GAB2: variants seen among roughly 807,000 people sequenced by gnomAD.
GAB2 encodes the protein GRB2 associated binding protein 2.
Under a neutral mutation model 65.5 loss-of-function variants are expected in GAB2, and 26 were observed. The ratio of observed to expected loss-of-function variants is 0.40; its 90% CI spans 0.29 to 0.55. The LOEUF (loss-of-function observed/expected upper bound fraction) is 0.55, where lower values mean the gene tolerates loss of function less well. Ranked by LOEUF, GAB2 falls within the 20% of genes least tolerant of loss-of-function variation. GAB2 has a pLI of 0.53. For synonymous variants in GAB2, 321 were observed against 329.6 expected, an observed-to-expected ratio of 0.97 and a Z score of 0.28; for missense variants, 884 against 875.8, an observed-to-expected ratio of 1.01 and a Z score of -0.12.
At chr11:78,250,557 G>A (rs991132965) in intron 2 of GAB2, among the ~76,000 whole-genome samples, 157 bp from the exon 3 acceptor site, 1 of 152,104 alleles carries the variant, frequency 6.6e-6, no homozygotes, top group African/African-American at 2.4e-5. Flanking sequence ...CTGCCCTCCT[G>A]GCCATCTTGG....
At chr11:78,373,398 C>T (rs934704419) in intron 1 of GAB2, among the ~76,000 whole-genome samples, 5 of 151,998 alleles carry the variant, frequency 3.3e-5, no homozygotes, top group African/African-American at 1.2e-4. Context: ...ATCACCACAC[C>T]CGGCTAATTT....
chr11:78,389,597 G>A (rs986725441), intron 1 of GAB2, among the ~76,000 whole-genome samples: 5 of 152,132 alleles, frequency 3.3e-5, no homozygotes, highest in African/African-American at 7.2e-5. Context: ...GTGAGCCACC[G>A]CGCCCGGCCG....
chr11:78,238,206 C>CAAAAAAAAAAAAAAAAA (rs10541492), intron 3 of GAB2, among the ~76,000 whole-genome samples: 3 of 104,800 alleles, frequency 2.9e-5, no homozygotes, highest in Non-Finnish European at 5.8e-5. Flanking sequence ...AGGGAAGAAA[C>CAAAAAAAAAAAAAAAAA]AAAAAAAAAA....
At chr11:78,234,829 G>A (rs1453864755) in intron 3 of GAB2, among the ~76,000 whole-genome samples, 1 of 151,894 alleles carries the variant, frequency 6.6e-6, no homozygotes, top group Non-Finnish European at 1.5e-5. Flanking sequence ...GGCCAACATG[G>A]TGAAACCCCA....
intron 1 of GAB2, among the ~76,000 whole-genome samples, chr11:78,333,894 T>C (rs767261127): frequency 6.6e-6 from 1 of 152,216 alleles, no homozygotes; most frequent in Non-Finnish European, 1.5e-5. Flanking sequence ...CCCTGGGATT[T>C]CACCCTCAGT....
chr11:78,368,939 A>T (rs1051936519), intron 1 of GAB2, among the ~76,000 whole-genome samples: 8 of 151,834 alleles, frequency 5.3e-5, no homozygotes, highest in Admixed American at 1.3e-4. Flanking sequence ...AAATTAAAAA[A>T]TTTTTTAATT....
chr11:78,305,584 G>T (rs1023445385), intron 1 of GAB2, among the ~76,000 whole-genome samples: 3 of 152,276 alleles, frequency 2.0e-5, no homozygotes, highest in African/African-American at 7.2e-5. Flanking sequence ...GGTAAGTGAT[G>T]AGCACTTCTG....
chr11:78,271,253 G>A (rs990709120), intron 2 of GAB2, among the ~76,000 whole-genome samples: 5 of 152,206 alleles, frequency 3.3e-5, no homozygotes, highest in Admixed American at 3.3e-4. Context: ...ACACAGCTCA[G>A]AGCAGCTCTC....
chr11:78,261,313 C>T (rs1392280221), intron 2 of GAB2, among the ~76,000 whole-genome samples: 2 of 151,978 alleles, frequency 1.3e-5, no homozygotes, highest in African/African-American at 4.8e-5. Flanking sequence ...AAAACCAGAA[C>T]CAGAACCAGA....
intron 1 of GAB2, among the ~76,000 whole-genome samples, chr11:78,303,582 G>C (rs1867091803): frequency 6.6e-6 from 1 of 152,092 alleles, no homozygotes; most frequent in Admixed American, 6.5e-5. Flanking sequence ...AATAAGTCTT[G>C]AAATCAGGTA....
chr11:78,380,307 A>G (rs1374983310), intron 1 of GAB2, among the ~76,000 whole-genome samples: 1 of 152,016 alleles, frequency 6.6e-6, no homozygotes, highest in Non-Finnish European at 1.5e-5. Context: ...TCCCGGGTTC[A>G]AGTGATTCTG....
intron 1 of GAB2, among the ~76,000 whole-genome samples, chr11:78,366,313 C>T (rs1591067778): frequency 1.3e-5 from 2 of 152,118 alleles, no homozygotes; most frequent in Non-Finnish European, 2.9e-5. Flanking sequence ...GGCACAGTGG[C>T]TCACGCCTGT....
intron 1 of GAB2, among the ~76,000 whole-genome samples, chr11:78,332,526 C>T (rs545204839): frequency 6.6e-6 from 1 of 152,316 alleles, no homozygotes; most frequent in South Asian, 2.1e-4. Flanking sequence ...CATATCCTGA[C>T]TCAAATGATG....
intron 1 of GAB2, among the ~76,000 whole-genome samples, chr11:78,405,637 T>C (rs990826274): frequency 1.3e-5 from 2 of 152,190 alleles, no homozygotes; most frequent in South Asian, 4.1e-4. Context: ...TTCCCACCAC[T>C]AAGTACAACT....
chr11:78,410,001 A>G (rs1458584684), intron 1 of GAB2, among the ~76,000 whole-genome samples: 1 of 152,184 alleles, frequency 6.6e-6, no homozygotes, highest in African/African-American at 2.4e-5. Flanking sequence ...TTTGGAAACT[A>G]AACAATGTAC....
chr11:78,410,397 G>C (rs745327427), intron 1 of GAB2, among the ~76,000 whole-genome samples: 3 of 152,178 alleles, frequency 2.0e-5, no homozygotes, highest in East Asian at 1.9e-4. Context: ...CCAGCTGCTC[G>C]GGAGGCTGAG....
intron 1 of GAB2, among the ~76,000 whole-genome samples, chr11:78,379,021 G>T (rs1160161544): frequency 6.6e-6 from 1 of 152,174 alleles, no homozygotes. Context: ...TTAAGGTGTT[G>T]CAAGGAAGGA....
chr11:78,300,567 A>C (rs1866974591), intron 1 of GAB2, among the ~76,000 whole-genome samples: 1 of 151,656 alleles, frequency 6.6e-6, no homozygotes, highest in Admixed American at 6.6e-5. Context: ...AAATTGTTGT[A>C]CTGTTTTTGC....
chr11:78,314,045 G>A (rs938707443), intron 1 of GAB2, among the ~76,000 whole-genome samples: 5 of 152,190 alleles, frequency 3.3e-5, no homozygotes, highest in Non-Finnish European at 7.3e-5. Flanking sequence ...CTCTGGATGT[G>A]GGAGTGTCAA....
Sources: gnomAD v4.1 joint callset for allele counts (sites outside exome capture counted in the v4.1 genomes callset) on GRCh38, gnomAD v4.1.1 for gene constraint, MANE v1.5 for transcripts, NCBI Gene and HGNC (gene_info 2026-07-23, HGNC 2026-07-21) for gene names.